MYLK: variants seen among roughly 807,000 people sequenced by gnomAD.
The protein encoded by MYLK is myosin light chain kinase, smooth muscle.
MYLK carries 106 observed loss-of-function variants against 203.4 expected under a neutral mutation model. The observed-to-expected ratio is 0.52, with a 90% CI of 0.45 to 0.61. MYLK has a LOEUF of 0.61. Ranked by LOEUF, MYLK falls within the 20% of genes least tolerant of loss-of-function variation. The pLI, the probability that MYLK is intolerant of heterozygous loss-of-function variation, is 0.00. For synonymous variants in MYLK, 867 were observed against 959.5 expected (o/e 0.90, Z 1.78); for missense variants, 2,072 against 2,442.3 (o/e 0.85, Z 3.20).
chr3:123,846,141 C>T (rs948459570), intron 2 of MYLK, among the ~76,000 whole-genome samples: 17 of 152,138 alleles, frequency 1.1e-4, no homozygotes, highest in African/African-American at 4.1e-4. Flanking sequence ...AAAACGGATT[C>T]TTGATTAAAA....
chr3:123,624,098 A>C (rs1175077414), intron 31 of MYLK: 1 of 152,170 alleles, frequency 6.6e-6, no homozygotes, highest in Non-Finnish European at 1.5e-5. Flanking sequence ...ACGCAGCAGC[A>C]TCGCTTGAGG....
rs1400248811 is a variant in MYLK at position 123,700,626 on chromosome 3, G to A, written c.2842C>T (p.Pro948Ser). 3.1e-6 allele frequency: 5 copies of A among 1,613,860 alleles called. No individual in the cohort carries two copies. The Admixed American group carries it at 5.0e-5, about 16-fold the overall frequency. ...ACAGAGCGAAAATCGACCTGCTGGG[G>A]GCTGTGCACCTTCCTCTCTTCCTCA... is the stretch of plus-strand genomic sequence containing the variant. ...VSEEERKVHS[P>S]QQVDFRSVLA... The change falls in exon 18 of 34, where the codon CCC becomes TCC. Residue 948 changes from proline to serine, a missense_variant. Pro to Ser is a moderately conservative substitution (Grantham distance 74). Around this residue, in one of 3 missense-constraint regions of MYLK, gnomAD observed 865 missense variants for 1,016.0 expected, o/e 0.85. Coordinates refer to ENST00000360304, the MANE Select transcript of MYLK (RefSeq NM_053025.4).
chr3:123,739,591 C>G (rs919805151), intron 6 of MYLK, among the ~76,000 whole-genome samples: 9 of 152,258 alleles, frequency 5.9e-5, no homozygotes, highest in African/African-American at 2.2e-4. Flanking sequence ...AAGAAACAAA[C>G]TTTCCCTGGG....
intron 19 of MYLK, among the ~76,000 whole-genome samples, chr3:123,685,538 G>C (rs150974180): frequency 6.8e-6 from 1 of 146,906 alleles, no homozygotes; most frequent in Non-Finnish European, 1.5e-5. Flanking sequence ...AGGCTGCAAT[G>C]ATCGTGCCGC....
At chr3:123,881,946 G>T (rs562362440) in intron 1 of MYLK, among the ~76,000 whole-genome samples, 192 of 152,254 alleles carry the variant, frequency 1.3e-3, no homozygotes, top group African/African-American at 4.4e-3. Context: ...CCAGCCAGGA[G>T]CCCCTCCTCT....
In MYLK at chr3:123,640,572, GC is replaced by G; in HGVS notation, c.4620-69del. 1 of 1,548,780 alleles carries G rather than the reference GC, an allele frequency of 6.5e-7. No individual in the cohort carries two copies. Among genetic ancestry groups the G allele is most frequent in the Non-Finnish European group, 8.9e-7 (1 of 1,124,044 alleles). On this transcript the variant is annotated intron_variant, in intron 27 of 33. Transcript: ENST00000360304. This position sits in a 1 kb window ranked among gnomAD's most constrained non-coding sequence, Gnocchi z 4.3. ...GGAGGCCAGGCTGGCAGGGAGTCTG[GC>G]CAGGGTAGGCTGGGGGTAGGAGAAA... is the stretch of plus-strand genomic sequence containing the variant.
chr3:123,766,308 C>G (rs1017584450), intron 4 of MYLK, among the ~76,000 whole-genome samples: 1 of 152,246 alleles, frequency 6.6e-6, no homozygotes, highest in Non-Finnish European at 1.5e-5. Flanking sequence ...CCTCATTCCC[C>G]CTTCTCTGCC....
In MYLK at chr3:123,682,305, G is replaced by C. The variant is rs2060295652; in HGVS notation, c.3571C>G (p.Pro1191Ala). The C allele has an allele frequency of 1.9e-6, 3 of 1,597,456 alleles. No homozygotes were observed. The East Asian group carries it at 6.7e-5, about 36-fold the overall frequency. Residue 1191 changes from proline to alanine, a missense_variant, in exon 20 of 34, where the codon CCA (proline) becomes GCA (alanine). This residue lies in a region of MYLK where 865 missense variants were observed against 1,016.0 expected (regional missense o/e 0.85). Transcript: ENST00000360304. ...CSCQVTVDDAPASENTKAPEM... is the reference protein window; with the variant it reads ...CSCQVTVDDAAASENTKAPEM... ...GGGGCCTTGGTGTTCTCACTGGCTG[G>C]AGCATCTGGAATGAAACAGGTAACA...
chr3:123,673,548 C>T (rs575436062), intron 20 of MYLK, among the ~76,000 whole-genome samples: 1 of 152,108 alleles, frequency 6.6e-6, no homozygotes, highest in African/African-American at 2.4e-5. Context: ...GTCAGTTCAG[C>T]CTTACACTAA....
intron 27 of MYLK, among the ~76,000 whole-genome samples, chr3:123,643,557 T>C (rs1185773574): frequency 6.6e-6 from 1 of 152,250 alleles, no homozygotes; most frequent in African/African-American, 2.4e-5. Context: ...GGATTAATGG[T>C]TCTGTGGGTT....
In MYLK at chr3:123,698,529, G is replaced by A. The variant is rs142401011; in HGVS notation, c.3448+1491C>T. 7.0e-4 allele frequency among the ~76,000 whole-genome samples: 107 copies of A among 152,246 alleles called. 1 individual carries two copies. Among genetic ancestry groups the A allele is most frequent in the African/African-American group, 2.5e-3 (102 of 41,548 alleles). ...CAGGGGCGGCAGGACAGGTTGTGGC[G>A]TCTGCTCCTCTGAAGTCTCACCCCA... On this transcript the variant is annotated intron_variant, in intron 18 of 33. Coordinates refer to ENST00000360304, the MANE Select transcript of MYLK (RefSeq NM_053025.4).
At position 123,752,364 on chromosome 3, in the gene MYLK, C is replaced by T. The variant is rs566501002; in HGVS notation, c.340G>A (p.Ala114Thr). The T allele has an allele frequency of 6.2e-7, 1 of 1,614,158 alleles. No individual in the cohort carries two copies. The highest frequency in any genetic ancestry group is 1.3e-5 in the African/African-American group (1 of 75,036). Residue 114 changes from alanine to threonine, a missense_variant, in exon 5 of 34, where the codon GCT becomes ACT. Coordinates refer to ENST00000360304, the MANE Select transcript of MYLK (RefSeq NM_053025.4). ...YTCEATNGSG[A>T]RQVTVELTVE... Reference sequence around the variant, plus strand: ...GTCAACTCCACTGTCACCTGGCGAGCACCACTGCCATTGGTGGCTTCACAG... The same window carrying T: ...GTCAACTCCACTGTCACCTGGCGAGTACCACTGCCATTGGTGGCTTCACAG...
intron 3 of MYLK, among the ~76,000 whole-genome samples, chr3:123,817,809 T>G (rs1038735617): frequency 6.6e-6 from 1 of 152,082 alleles, no homozygotes; most frequent in African/African-American, 2.4e-5. Flanking sequence ...TGGTCCTGGA[T>G]TCTCAAGAGG....
At chr3:123,776,506 A>C (rs185451477) in intron 4 of MYLK, among the ~76,000 whole-genome samples, 31 of 152,366 alleles carry the variant, frequency 2.0e-4, no homozygotes, top group Admixed American at 1.9e-3. Flanking sequence ...TTAATTTATA[A>C]AAGGAAACGT....
chr3:123,782,465 T>C (rs62262909), intron 4 of MYLK, among the ~76,000 whole-genome samples: 7,000 of 152,328 alleles, frequency 0.046, 219 homozygotes, highest in Non-Finnish European at 0.07. Context: ...TTTATGAAAG[T>C]AGTGTCTTAC....
intron 18 of MYLK, among the ~76,000 whole-genome samples, chr3:123,693,166 C>T (rs1327196699): frequency 2.0e-5 from 3 of 152,150 alleles, no homozygotes; most frequent in South Asian, 2.1e-4. Flanking sequence ...GGAGACCATC[C>T]AATACAATAC....
In MYLK at chr3:123,858,107, G is replaced by A. The variant is rs537648151; in HGVS notation, c.-127+18452C>T. 3.3e-5 allele frequency among the ~76,000 whole-genome samples: 5 copies of A among 152,292 alleles called. No homozygotes were observed. The South Asian group carries it at 1.0e-3, about 32-fold the overall frequency. On this transcript the variant is annotated intron_variant, in intron 2 of 33. Transcript: ENST00000360304. ...TGGTAGTTTTCTTGCTGCTGCTCCTGCTACAGAGGCTCTTGGGAGCTATCT... is the reference window on the plus strand; with the variant it reads ...TGGTAGTTTTCTTGCTGCTGCTCCTACTACAGAGGCTCTTGGGAGCTATCT...
At chr3:123,786,544 A>T in intron 4 of MYLK, among the ~76,000 whole-genome samples, 3 of 101,460 alleles carry the variant, frequency 3.0e-5, no homozygotes, top group Admixed American at 1.1e-4. Flanking sequence ...GGAGGGGGGG[A>T]TGGCTAATGG....
In MYLK at chr3:123,629,380, A is replaced by G. The variant is rs569286800; in HGVS notation, c.5114+94T>C. The G allele has an allele frequency of 6.0e-6, 9 of 1,494,202 alleles. No homozygotes were observed. In the South Asian group the frequency reaches 1.0e-4, roughly 17 times the overall value. The allele number at this position is 1,494,202 out of a possible 1,614,324, so 92.6% of individuals were successfully genotyped here. A position where few individuals can be genotyped will look rare whatever the true frequency, so the allele number is the denominator to read the frequency against. ...TAGGAACGACCCAAGGCGGGGTGGC[A>G]AGGAGGGCACCCCAACAGGCAAAGG... On this transcript the variant is annotated intron_variant, in intron 30 of 33. Transcript: ENST00000360304. The surrounding 1 kb of genome is among the most constrained non-coding windows in gnomAD (Gnocchi z 4.4).
Sources: gnomAD v4.1 joint callset for allele counts (sites outside exome capture counted in the v4.1 genomes callset) on GRCh38, gnomAD v4.1.1 for gene constraint, gnomAD v4.1.1 regional missense constraint, Gnocchi (gnomAD v3.1) non-coding constraint, MANE v1.5 for transcripts, NCBI Gene and HGNC (gene_info 2026-07-23, HGNC 2026-07-21) for gene names.